NCL: variants seen among roughly 807,000 people sequenced by gnomAD.
NCL encodes the protein nucleolin multifunctional protein.
Under a neutral mutation model 77.7 loss-of-function variants are expected in NCL, and 4 were observed. The ratio of observed to expected loss-of-function variants is 0.05; its 90% CI spans 0.03 to 0.12. The LOEUF (loss-of-function observed/expected upper bound fraction) is 0.12. Among genes scored for constraint, NCL ranks in the 10% least tolerant of loss-of-function variants. The pLI, the probability that NCL is intolerant of heterozygous loss-of-function variation, is 1.00. For synonymous variants in NCL, 344 were observed against 297.8 expected (o/e 1.16, Z -1.60); for missense variants, 763 against 860.9 (o/e 0.89, Z 1.42).
chr2:231,457,659 C>G lies in NCL; in HGVS notation c.1431G>C (p.Lys477Asn), dbSNP rs1170703106. ...KGQNQDYRGG[K>N]NSTWSGESKT... ...ATTTCTTACCACTCCAAGTGCTATT[C>G]TTTCCACCTCTATAGTCTTGATTTT... Residue 477 changes from lysine (K) to asparagine (N), a missense_variant, in exon 9 of 14, where the codon AAG becomes AAC. Lys to Asn is a moderately conservative substitution (Grantham distance 94). Around this residue, in one of 2 missense-constraint regions of NCL, gnomAD observed 173 missense variants for 290.4 expected, o/e 0.60. Transcript: ENST00000322723. 8 of 1,601,958 alleles carry G rather than the reference C, an allele frequency of 5.0e-6. No individual in the cohort carries two copies. The highest frequency in any genetic ancestry group is 6.8e-6 in the Non-Finnish European group (8 of 1,174,092).
intron 2 of NCL, chr2:231,462,691 T>A (rs556016331): frequency 5.5e-4 from 226 of 410,452 alleles, no homozygotes; most frequent in African/African-American, 4.4e-3. Context: ...AGTGAGCAAA[T>A]AAAAGGCCAG....
chr2:231,460,743 T>A lies in NCL; in HGVS notation c.737A>T (p.Asp246Val). The change falls in exon 4 of 14, where the codon GAT becomes GTT. Residue 246 changes from aspartate (D) to valine (V), a missense_variant. By Grantham distance (152) the Asp-to-Val change is radical. Coordinates refer to ENST00000322723, the MANE Select transcript of NCL (RefSeq NM_005381.3). ...TTCATCATCTTCGTCGTCGTCGTCA[T>A]CCTCGTCCTCATCATCCTCTTCTTC... ...EDEEEDDEDE[D>V]DDDDEDDEDD... The A allele has an allele frequency of 6.2e-7, 1 of 1,613,342 alleles. No homozygotes were observed. Among genetic ancestry groups the A allele is most frequent in the Non-Finnish European group, 8.5e-7 (1 of 1,179,284 alleles).
Position 231,458,386 on chromosome 2 carries a change from C to T in NCL, c.1169G>A (p.Arg390Gln), listed in dbSNP as rs1282661978. 4 of 1,612,214 alleles carry T rather than the reference C, an allele frequency of 2.5e-6. No homozygotes were observed. Among genetic ancestry groups the T allele is most frequent in the African/African-American group, 1.3e-5 (1 of 74,780 alleles). ...KPKGKDSKKE[R>Q]DARTLLAKNL... ...TTTAGCCAAAAGTGTTCTCGCATCTCGCTCTAGATTAAAAAAACAAAAATG... is the reference window on the plus strand; with the variant it reads ...TTTAGCCAAAAGTGTTCTCGCATCTTGCTCTAGATTAAAAAAACAAAAATG... Residue 390 changes from arginine to glutamine, a missense_variant, in exon 8 of 14, where the codon CGA becomes CAA. Around this residue, in one of 2 missense-constraint regions of NCL, gnomAD observed 590 missense variants for 570.5 expected, o/e 1.03. Transcript: ENST00000322723.
At chr2:231,462,435 G>A (rs2046961617) in intron 2 of NCL, 7 of 418,414 alleles carry the variant, frequency 1.7e-5, no homozygotes, top group South Asian at 1.2e-4. Context: ...CTCCTACAGT[G>A]GGTGGCGGTA....
At chr2:231,463,349 C>T in intron 1 of NCL, 33 bp from the exon 2 acceptor site, 1 of 1,360,758 alleles carries the variant, frequency 7.3e-7, no homozygotes, top group Non-Finnish European at 1.0e-6. Context: ...ATTACACCTC[C>T]ACCTCGACAT....
In NCL at chr2:231,457,945, CCT is replaced by C. The variant is rs1413307296; in HGVS notation, c.1290-147_1290-146del. 225 of 801,414 alleles carry C rather than the reference CCT, an allele frequency of 2.8e-4. 2 individuals carry two copies. Among genetic ancestry groups the C allele is most frequent in the Non-Finnish European group, 1.2e-4 (66 of 554,602 alleles). 49.6% of individuals were successfully genotyped at this position (801,414 alleles called of 1,614,324 possible). A position where few individuals can be genotyped will look rare whatever the true frequency, so the allele number is the denominator to read the frequency against. Reference sequence around the variant, plus strand: ...ACTTTTCAATCAAAACTCGAGCTTCCCTCTTACTTCCCACTAGTTTTACAAAT... The same window carrying C: ...ACTTTTCAATCAAAACTCGAGCTTCCCTTACTTCCCACTAGTTTTACAAAT... On this transcript the variant is annotated intron_variant, in intron 8 of 13. Coordinates refer to ENST00000322723, the MANE Select transcript of NCL (RefSeq NM_005381.3).
chr2:231,457,290 T>TA, intron 9 of NCL, 166 bp from the exon 10 acceptor site: 1 of 977,820 alleles, frequency 1.0e-6, no homozygotes. Flanking sequence ...AAGTACCTAG[T>TA]ACGTGTTGCA....
rs147245704 is a variant in NCL, at chr2:231,460,682, T to C, written c.798A>G (p.Glu266=). The C allele has an allele frequency of 1.2e-4, 196 of 1,611,988 alleles. No homozygotes were observed. The highest frequency in any genetic ancestry group is 5.1e-4 in the East Asian group (23 of 44,762). The change falls in exon 4 of 14, where the codon GAA becomes GAG. Residue 266 remains glutamate, a synonymous_variant. Transcript: ENST00000322723. ...DDDEDDEEEE[E]EEEEEPVKEA... ...TAATTTAAGTACCTTCCTCCTCCTC[T>C]TCTTCCTCCTCCTCATCATCTTCAT... is the stretch of plus-strand genomic sequence containing the variant.
At position 231,464,396 on chromosome 2, in the gene NCL, C is replaced by T; in HGVS notation, c.-43G>A. On this transcript the variant is annotated 5_prime_UTR_variant, in exon 1 of 14. Coordinates refer to ENST00000322723, the MANE Select transcript of NCL (RefSeq NM_005381.3). The stretch of plus-strand genomic sequence containing the variant: ...AAGCGGACAAGTGGCGCAGATGAGT[C>T]CAGAAGAAGCCAAGCGACGGCGATG... 6.3e-7 allele frequency: 1 copy of T among 1,591,604 alleles called. No individual in the cohort carries two copies. The highest frequency in any genetic ancestry group is 8.6e-7 in the Non-Finnish European group (1 of 1,168,084).
At chr2:231,463,089 A>T (rs755944696) in intron 2 of NCL, 111 bp downstream of exon 2, 4 of 788,146 alleles carry the variant, frequency 5.1e-6, no homozygotes, top group Non-Finnish European at 8.3e-6. Context: ...AACCACTACA[A>T]TAAGACATAC....
At chr2:231,462,648 C>T in intron 2 of NCL, 1 of 469,952 alleles carries the variant, frequency 2.1e-6, no homozygotes, top group Non-Finnish European at 4.3e-6. Context: ...CAACGAGAAA[C>T]CTGAGCACAA....
intron 9 of NCL, 99 bp from the exon 10 acceptor site, chr2:231,457,223 G>T: frequency 6.7e-7 from 1 of 1,503,284 alleles, no homozygotes. Flanking sequence ...CAGTGCTTGA[G>T]TTAATATACA....
rs781412244 is a variant in NCL at position 231,461,685 on chromosome 2, ATCC to A, written c.465_467del (p.Glu155del). The A allele has an allele frequency of 7.4e-6, 12 of 1,612,802 alleles. No homozygotes were observed. Among genetic ancestry groups the A allele is most frequent in the Admixed American group, 1.7e-5 (1 of 59,966 alleles). The stretch of plus-strand genomic sequence containing the variant: ...CATCCTCGTCCTCGTCATCCTCCTC[ATCC>A]TCCTCACTGTCATCATCCTCCTCTT... On this transcript the variant is annotated inframe_deletion, in exon 3 of 14. Coordinates refer to ENST00000322723, the MANE Select transcript of NCL (RefSeq NM_005381.3).
intron 1 of NCL, chr2:231,463,605 G>A: frequency 2.5e-6 from 1 of 392,320 alleles, no homozygotes; most frequent in Non-Finnish European, 4.6e-6. Flanking sequence ...GCACAACCGT[G>A]TTTTAATACT....
Position 231,456,675 on chromosome 2 carries a change from C to T in NCL, c.1661G>A (p.Arg554Lys). The part of the protein sequence containing the change: ...NKREIEGRAI[R>K]LELQGPRGSP... ...TCCCCTGGGTCCTTGCAACTCCAGC[C>T]TGATTGCTCTGCCCTCAATTTCCCT... The change falls in exon 11 of 14, where the codon AGG (arginine) becomes AAG (lysine). Residue 554 changes from arginine to lysine, a missense_variant. Physicochemically the swap from Arg to Lys is conservative, Grantham distance 26 (BLOSUM62 2). Transcript: ENST00000322723. 1 of 1,614,162 alleles carries T rather than the reference C, an allele frequency of 6.2e-7. No individual in the cohort carries two copies. Among genetic ancestry groups the T allele is most frequent in the Non-Finnish European group, 8.5e-7 (1 of 1,180,040 alleles).
At chr2:231,462,899 T>A (rs912139089) in intron 2 of NCL, 3 of 350,220 alleles carry the variant, frequency 8.6e-6, no homozygotes, top group African/African-American at 6.5e-5. Context: ...CAGCTCTACA[T>A]GTGGGGGTGA....
intron 2 of NCL, chr2:231,462,557 TAA>T: frequency 1.9e-6 from 1 of 516,270 alleles, no homozygotes; most frequent in Non-Finnish European, 3.9e-6. Context: ...GGTAGTTTGA[TAA>T]AAGTCATCAT....
intron 6 of NCL, 52 bp downstream of exon 6, chr2:231,460,100 A>C: frequency 6.4e-7 from 1 of 1,554,410 alleles, no homozygotes; most frequent in Non-Finnish European, 8.7e-7. Flanking sequence ...TAACAGGGGA[A>C]GGAAAAGCAT....
In NCL at chr2:231,460,701, T is replaced by C. The variant is rs2125636515; in HGVS notation, c.779A>G (p.Asp260Gly). ...CTCCTCTTCTTCCTCCTCCTCATCA[T>C]CTTCATCATCATCATCTTCATCATC... ...DEDDEDDDDE[D>G]DEEEEEEEEE... Residue 260 changes from aspartate (D) to glycine (G), a missense_variant, in exon 4 of 14, where the codon GAT (aspartate) becomes GGT (glycine). By Grantham distance (94) the Asp-to-Gly change is moderately conservative. Around this residue, in one of 2 missense-constraint regions of NCL, gnomAD observed 590 missense variants for 570.5 expected, o/e 1.03. Coordinates refer to ENST00000322723, the MANE Select transcript of NCL (RefSeq NM_005381.3). 6.2e-7 allele frequency: 1 copy of C among 1,609,416 alleles called. No individual in the cohort carries two copies. The highest frequency in any genetic ancestry group is 8.5e-7 in the Non-Finnish European group (1 of 1,177,018).
Sources: allele counts gnomAD v4.1 joint callset, GRCh38; gene constraint gnomAD v4.1.1; regional missense constraint gnomAD v4.1.1; transcripts MANE v1.5; gene names NCBI Gene and HGNC (gene_info 2026-07-23, HGNC 2026-07-21).